Variants in PTPRD observed in about 807,000 individuals in gnomAD.
PTPRD encodes the protein receptor-type tyrosine-protein phosphatase delta.
A neutral mutation model predicts 214.5 loss-of-function variants in PTPRD; 34 were observed. That is an observed-to-expected ratio of 0.16 (90% CI 0.12 to 0.21). The LOEUF (loss-of-function observed/expected upper bound fraction) is 0.21. Among genes scored for constraint, PTPRD ranks in the 10% least tolerant of loss-of-function variants. PTPRD has a pLI of 1.00. For synonymous variants in PTPRD, 1,128 were observed against 845.7 expected (o/e 1.33, Z -5.79); for missense variants, 2,545 against 2,398.7 (o/e 1.06, Z -1.27).
At chr9:8,895,786 G>A (rs985269145) in intron 11 of PTPRD, among the ~76,000 whole-genome samples, 1 of 152,296 alleles carries the variant, frequency 6.6e-6, no homozygotes, top group Admixed American at 6.5e-5. Context: ...CAGGTAGGAA[G>A]AGCCTTCTAG....
At chr9:8,876,052 C>T (rs2098386229) in intron 11 of PTPRD, among the ~76,000 whole-genome samples, 1 of 152,246 alleles carries the variant, frequency 6.6e-6, no homozygotes, top group East Asian at 1.9e-4. Context: ...TTACTTAGAC[C>T]TTATCATATC....
intron 10 of PTPRD, among the ~76,000 whole-genome samples, chr9:9,090,548 A>T (rs1195084309): frequency 1.3e-5 from 2 of 152,172 alleles, no homozygotes; most frequent in East Asian, 3.9e-4. Context: ...TGAGTAGTGA[A>T]TATGTCAGCG....
chr9:9,828,362 G>T (rs1377988645), intron 5 of PTPRD, among the ~76,000 whole-genome samples: 1 of 152,116 alleles, frequency 6.6e-6, no homozygotes, highest in Non-Finnish European at 1.5e-5. Flanking sequence ...TAAGGACATG[G>T]ATGAAACTGG....
chr9:9,319,190 T>G (rs1965106844), intron 9 of PTPRD, among the ~76,000 whole-genome samples: 1 of 152,208 alleles, frequency 6.6e-6, no homozygotes, highest in Non-Finnish European at 1.5e-5. Context: ...ACAGAATGAA[T>G]GAATGCTGCC....
chr9:8,662,477 A>G (rs185835142), intron 12 of PTPRD, among the ~76,000 whole-genome samples: 4 of 152,256 alleles, frequency 2.6e-5, no homozygotes, highest in Non-Finnish European at 5.9e-5. Flanking sequence ...ACATACAACT[A>G]TAGTCTATCT....
At chr9:8,399,822 C>T (rs2092056330) in intron 36 of PTPRD, among the ~76,000 whole-genome samples, 1 of 152,156 alleles carries the variant, frequency 6.6e-6, no homozygotes. Flanking sequence ...ATGGGAAGAA[C>T]AGCTGCCTTG....
chr9:9,275,174 A>ATATGTTATATATATATATATAT lies in PTPRD; in HGVS notation c.-202-91812_-202-91811insATATATATATATATATAACATA, dbSNP rs1491381199. On this transcript the variant is annotated intron_variant, in intron 9 of 45. Coordinates refer to ENST00000381196, the MANE Select transcript of PTPRD (RefSeq NM_002839.4). Reference sequence around the variant, plus strand: ...TATATTATATATATAACATATATATAATATATATGTTATATATATATATAT... The same window carrying ATATGTTATATATATATATATAT: ...TATATTATATATATAACATATATATATATGTTATATATATATATATATATATATATGTTATATATATATATAT... Among the ~76,000 whole-genome samples the ATATGTTATATATATATATATAT allele has an allele frequency of 2.9e-3, 83 of 28,938 alleles. 1 individual carries two copies. The highest frequency in any genetic ancestry group is 0.013 in the African/African-American group (81 of 6,052). The allele number at this position is 28,938 out of a possible 152,430, so 19.0% of individuals were successfully genotyped here. A position where few individuals can be genotyped will look rare whatever the true frequency, so the allele number is the denominator to read the frequency against.
At chr9:9,865,224 G>T (rs2063681311) in intron 5 of PTPRD, among the ~76,000 whole-genome samples, 1 of 152,186 alleles carries the variant, frequency 6.6e-6, no homozygotes, top group Non-Finnish European at 1.5e-5. Flanking sequence ...TGAAAATCAG[G>T]TTACTGCTAT....
rs1246261539 is a variant in PTPRD, at chr9:10,509,557, T to TTATATTTATATATA, written c.-600+102840_-600+102841insTATATATAAATATA. Among the ~76,000 whole-genome samples the TTATATTTATATATA allele has an allele frequency of 2.8e-3, 303 of 106,688 alleles. 4 individuals carry two copies. Among genetic ancestry groups the TTATATTTATATATA allele is most frequent in the African/African-American group, 0.011 (274 of 25,150 alleles). 70.0% of individuals were successfully genotyped at this position (106,688 alleles called of 152,430 possible). A position where few individuals can be genotyped will look rare whatever the true frequency, so the allele number is the denominator to read the frequency against. ...TAAATATATTTACATTTAATAAATA[T>TTATATTTATATATA]TATATATATATATATATATATATTT... On this transcript the variant is annotated intron_variant, in intron 2 of 45. Transcript: ENST00000381196.
intron 34 of PTPRD, chr9:8,437,341 A>G: frequency 1.1e-6 from 1 of 925,042 alleles, no homozygotes; most frequent in African/African-American, 1.7e-5. Flanking sequence ...ACTAATTAAA[A>G]TGCTGCAAGT....
chr9:8,994,472 A>T (rs560083856), intron 11 of PTPRD, among the ~76,000 whole-genome samples: 2 of 152,124 alleles, frequency 1.3e-5, no homozygotes, highest in African/African-American at 4.8e-5. Context: ...GGTTACTGAG[A>T]TCAATAGGAC....
intron 12 of PTPRD, among the ~76,000 whole-genome samples, chr9:8,702,528 G>T (rs2098112456): frequency 6.6e-6 from 1 of 152,150 alleles, no homozygotes. Flanking sequence ...AGGACAGTTG[G>T]GAGTTTTTTG....
chr9:9,387,199 T>C (rs981052043), intron 9 of PTPRD, among the ~76,000 whole-genome samples: 6 of 152,232 alleles, frequency 3.9e-5, no homozygotes, highest in African/African-American at 1.2e-4. Context: ...TGTGTGTTTA[T>C]GTGAAATCTA....
At chr9:8,547,781 T>C (rs1353622276) in intron 14 of PTPRD, among the ~76,000 whole-genome samples, 1 of 151,818 alleles carries the variant, frequency 6.6e-6, no homozygotes, top group African/African-American at 2.4e-5. Context: ...AATACATATA[T>C]AATTATGTGT....
chr9:9,045,017 C>T (rs2099667685), intron 10 of PTPRD, among the ~76,000 whole-genome samples: 1 of 152,116 alleles, frequency 6.6e-6, no homozygotes, highest in Non-Finnish European at 1.5e-5. Flanking sequence ...AATTAAGGTT[C>T]TTGATGACAG....
At chr9:10,157,935 T>C (rs67121173) in intron 3 of PTPRD, among the ~76,000 whole-genome samples, 30,513 of 152,100 alleles carry the variant, frequency 0.2, 3,376 homozygotes, top group Admixed American at 0.33. Flanking sequence ...ATTGTGCTAC[T>C]AATACCGGTG....
chr9:10,082,848 C>A (rs1354817633), intron 3 of PTPRD, among the ~76,000 whole-genome samples: 1 of 150,004 alleles, frequency 6.7e-6, no homozygotes, highest in African/African-American at 2.5e-5. Flanking sequence ...CAAACACACA[C>A]ACACACACAC....
intron 16 of PTPRD, 116 bp downstream of exon 16, chr9:8,527,229 G>C: frequency 1.9e-6 from 2 of 1,075,926 alleles, no homozygotes; most frequent in Non-Finnish European, 1.4e-6. Flanking sequence ...ACAGAGATCT[G>C]GTGTCTACAC....
intron 14 of PTPRD, among the ~76,000 whole-genome samples, chr9:8,555,782 G>A (rs745825735): frequency 6.6e-6 from 1 of 152,218 alleles, no homozygotes; most frequent in Non-Finnish European, 1.5e-5. Flanking sequence ...GAGTCTACAC[G>A]TGTAGGGGAA....
Sources: allele counts gnomAD v4.1 joint callset (sites outside exome capture counted in the v4.1 genomes callset), GRCh38; gene constraint gnomAD v4.1.1; transcripts MANE v1.5; gene names NCBI Gene and HGNC (gene_info 2026-07-23, HGNC 2026-07-21).